OPHN1: variants seen among roughly 807,000 people sequenced by gnomAD.
OPHN1 encodes the protein oligophrenin 1, also known as oligophrenin-1.
A neutral mutation model predicts 60.7 loss-of-function variants in OPHN1; 11 were observed. That is an observed-to-expected ratio of 0.18 (90% CI 0.11 to 0.30). OPHN1 has a LOEUF of 0.30. Ranked by LOEUF, OPHN1 falls within the 10% of genes least tolerant of loss-of-function variation. The pLI is 1.00. For missense variants in OPHN1, 449 were observed against 611.0 expected, an observed-to-expected ratio of 0.73 and a Z score of 2.80; for synonymous variants, 226 against 222.6, an observed-to-expected ratio of 1.02 and a Z score of -0.14.
chrX:68,317,376 A>G (rs202222565), intron 2 of OPHN1, among the ~76,000 whole-genome samples: 532 of 50,540 alleles, frequency 0.011, 9 homozygotes, highest in African/African-American at 0.049. Context: ...AGAAAGAAAG[A>G]AAGGAAGGAA....
At chrX:68,393,345 C>T (rs921048720) in intron 2 of OPHN1, among the ~76,000 whole-genome samples, 1 of 112,053 alleles carries the variant, frequency 8.9e-6, no homozygotes, top group African/African-American at 3.2e-5. Context: ...GGCTGGAGTG[C>T]AGAGGCTCGA....
At chrX:68,089,929 A>G (rs781664005) in intron 19 of OPHN1, among the ~76,000 whole-genome samples, 5 of 111,754 alleles carry the variant, frequency 4.5e-5, no homozygotes, top group African/African-American at 1.6e-4. Context: ...GAAATCTCCC[A>G]ATCTTAATAA....
chrX:68,074,358 T>C (rs182324165), intron 19 of OPHN1, among the ~76,000 whole-genome samples: 12 of 111,656 alleles, frequency 1.1e-4, no homozygotes, highest in African/African-American at 1.6e-4. Context: ...GAAGACAAAA[T>C]GTAACTTAAC....
At chrX:68,269,350 T>A (rs1470760689) in intron 5 of OPHN1, among the ~76,000 whole-genome samples, 3 of 111,375 alleles carry the variant, frequency 2.7e-5, no homozygotes, top group African/African-American at 6.5e-5. Context: ...CTACAAGGCT[T>A]CAGTAACCAA....
At chrX:68,331,685 C>T (rs1236773085) in intron 2 of OPHN1, among the ~76,000 whole-genome samples, 2 of 103,004 alleles carry the variant, frequency 1.9e-5, no homozygotes, top group African/African-American at 3.6e-5. Flanking sequence ...GAGCCAAGAT[C>T]GCACCACTGC....
At chrX:68,391,810 T>C (rs1401556445) in intron 2 of OPHN1, among the ~76,000 whole-genome samples, 1 of 111,259 alleles carries the variant, frequency 9.0e-6, no homozygotes, top group African/African-American at 3.3e-5. Context: ...GCTTTAAAGA[T>C]GGAGGATGGC....
intron 15 of OPHN1, among the ~76,000 whole-genome samples, chrX:68,140,416 T>C (rs1319614267): frequency 8.9e-6 from 1 of 112,026 alleles, no homozygotes. Flanking sequence ...CTCCAGTAGT[T>C]ACCACAATTC....
intron 4 of OPHN1, among the ~76,000 whole-genome samples, chrX:68,278,864 C>A (rs1427596672): frequency 9.0e-6 from 1 of 110,934 alleles, no homozygotes; most frequent in Non-Finnish European, 1.9e-5. Flanking sequence ...CCAGCCTGGG[C>A]AACAGAGGGA....
chrX:68,232,215 T>C (rs1260513526), intron 6 of OPHN1, among the ~76,000 whole-genome samples: 1 of 111,694 alleles, frequency 9.0e-6, no homozygotes, highest in Non-Finnish European at 1.9e-5. Context: ...GTGTCCAGGG[T>C]CCAGAAGACC....
intron 19 of OPHN1, among the ~76,000 whole-genome samples, chrX:68,083,050 G>GTTTT (rs1569206967): frequency 9.5e-4 from 39 of 40,940 alleles, no homozygotes; most frequent in South Asian, 2.1e-3. Context: ...ACCTCTGCTA[G>GTTTT]TTTCTTTTTT....
intron 2 of OPHN1, among the ~76,000 whole-genome samples, chrX:68,390,947 C>A (rs2078650628): frequency 8.9e-6 from 1 of 111,860 alleles, no homozygotes; most frequent in African/African-American, 3.2e-5. Context: ...GGGCTGCATT[C>A]TTCCTGAAAG....
At chrX:68,220,972 G>C (rs2147500643) in intron 6 of OPHN1, among the ~76,000 whole-genome samples, 1 of 98,995 alleles carries the variant, frequency 1.0e-5, no homozygotes, top group East Asian at 3.5e-4. Context: ...TATTCAATTA[G>C]GAAAAGAGGA....
chrX:68,069,583 T>C (rs1441814681), intron 20 of OPHN1, among the ~76,000 whole-genome samples: 1 of 109,945 alleles, frequency 9.1e-6, no homozygotes, highest in African/African-American at 3.3e-5. Flanking sequence ...ATACCAGGAG[T>C]TGTTCTAGGG....
Position 68,192,926 on chromosome X carries a change from G to A in OPHN1, c.1269C>T (p.Ala423=), listed in dbSNP as rs770220435. ...SNIQVQKLLN[A]FFDPKCPGDV... ...TCAAAGTAAAATTGTTACCAAAAAA[G>A]GCATTCAGCAGCTTCTGAACCTGAA... The change falls in exon 15 of 25, where the codon GCC becomes GCT. Residue 423 remains alanine (A), a synonymous_variant. Transcript: ENST00000355520. The A allele has an allele frequency of 8.3e-7, 1 of 1,205,034 alleles. No homozygotes were observed. Among genetic ancestry groups the A allele is most frequent in the Non-Finnish European group, 1.1e-6 (1 of 889,219 alleles).
chrX:68,240,450 T>G (rs2077775439), intron 5 of OPHN1, among the ~76,000 whole-genome samples: 1 of 111,274 alleles, frequency 9.0e-6, no homozygotes, highest in Admixed American at 9.6e-5. Flanking sequence ...TTAATATATA[T>G]CCGTCTACTC....
intron 2 of OPHN1, among the ~76,000 whole-genome samples, chrX:68,317,411 GGAAGGAAGGAA>G (rs1216298493): frequency 3.2e-5 from 3 of 92,859 alleles, no homozygotes; most frequent in African/African-American, 1.2e-4. Flanking sequence ...AAGGAAGGAA[GGAAGGAAGGAA>G]GGAGCGAGGG....
chrX:68,291,362 T>C (rs1262774840), intron 3 of OPHN1, among the ~76,000 whole-genome samples: 1 of 112,085 alleles, frequency 8.9e-6, no homozygotes, highest in Non-Finnish European at 1.9e-5. Flanking sequence ...TAGGAACGTC[T>C]TGGGATCATT....
chrX:68,258,313 T>C (rs957221180), intron 5 of OPHN1, among the ~76,000 whole-genome samples: 1 of 106,950 alleles, frequency 9.4e-6, no homozygotes, highest in Admixed American at 1.0e-4. Flanking sequence ...GTTAGTTCCA[T>C]ATGTATACAT....
chrX:68,283,684 A>G (rs2078028767), intron 3 of OPHN1, among the ~76,000 whole-genome samples: 1 of 112,315 alleles, frequency 8.9e-6, no homozygotes. Context: ...TACAAAAAAA[A>G]GTAAGTTAAG....
Sources: allele counts gnomAD v4.1 joint callset (sites outside exome capture counted in the v4.1 genomes callset), GRCh38; gene constraint gnomAD v4.1.1; transcripts MANE v1.5; gene names NCBI Gene and HGNC (gene_info 2026-07-23, HGNC 2026-07-21).